Variants in SCO1 observed in about 807,000 individuals in gnomAD.
The protein encoded by SCO1 is cytochrome c oxidase assembly factor SCO1.
In SCO1, 23 loss-of-function variants were observed where a neutral mutation model predicts 34.0. The observed-to-expected ratio is 0.68, with a 90% confidence interval of 0.49 to 0.96. SCO1 has a LOEUF of 0.96. Ranked by LOEUF, SCO1 falls within the 40% of genes least tolerant of loss-of-function variation. SCO1 has a pLI of 0.00. For synonymous variants in SCO1, 161 were observed against 145.5 expected (o/e 1.11, Z -0.77); for missense variants, 404 against 381.6 (o/e 1.06, Z -0.49).
At position 10,686,809 on chromosome 17, in the gene SCO1, G is replaced by A. The variant is rs141066877; in HGVS notation, c.689C>T (p.Thr230Met). The A allele has an allele frequency of 1.2e-4, 192 of 1,613,758 alleles. No individual in the cohort carries two copies. Among genetic ancestry groups the A allele is most frequent in the Non-Finnish European group, 1.5e-4 (180 of 1,179,906 alleles). The change falls in exon 5 of 6, where the codon ACG becomes ATG. Residue 230 changes from threonine to methionine, a missense_variant. Transcript: ENST00000255390. The part of the protein sequence containing the change: ...FSPKLVGLTG[T>M]REEVDQVARA... ...GGCCACTTGATCGACCTCTTCTCTC[G>A]TGCCAGTCAAGCCAACCAGTTTGGG... is the stretch of plus-strand genomic sequence containing the variant.
chr17:10,685,645 C>T (rs2662952), intron 5 of SCO1, among the ~76,000 whole-genome samples: 6,101 of 152,292 alleles, frequency 0.04, 398 homozygotes, highest in African/African-American at 0.13. Context: ...ATAAACCTTT[C>T]ATCTTTTGCT....
chr17:10,683,431 A>G (rs1021918382), intron 5 of SCO1, among the ~76,000 whole-genome samples: 12 of 152,196 alleles, frequency 7.9e-5, no homozygotes, highest in African/African-American at 1.9e-4. Context: ...TAAAAAGTAT[A>G]TAACTTTAAA....
chr17:10,677,694 G>C lies in SCO1; in HGVS notation c.*3425C>G, dbSNP rs2074590786. On this transcript the variant is annotated 3_prime_UTR_variant, in exon 6 of 6. Coordinates refer to ENST00000255390, the MANE Select transcript of SCO1 (RefSeq NM_004589.4). ...ACACATGAATACATTCATGCCTACT[G>C]CATTGATAGGATTCTTATACTTTTC... 6.6e-6 allele frequency: 1 copy of C among 152,178 alleles called. No individual in the cohort carries two copies. The highest frequency in any genetic ancestry group is 1.5e-5 in the Non-Finnish European group (1 of 68,034). 9.4% of individuals were successfully genotyped at this position (152,178 alleles called of 1,614,324 possible).
chr17:10,684,393 G>T (rs745389998), intron 5 of SCO1, among the ~76,000 whole-genome samples: 1 of 152,164 alleles, frequency 6.6e-6, no homozygotes, highest in African/African-American at 2.4e-5. Context: ...CAGGCTACAC[G>T]ATTAAAGGTT....
rs1459182473 is a variant in SCO1 at position 10,676,494 on chromosome 17, G to C, written c.*4625C>G. ...GGGGGGGTGCAGACAAAATTAAATG[G>C]TGGTAATCACTGAAGCTTGCTGATG... On this transcript the variant is annotated 3_prime_UTR_variant, in exon 6 of 6. Coordinates refer to ENST00000255390, the MANE Select transcript of SCO1 (RefSeq NM_004589.4). The C allele has an allele frequency of 6.6e-6, 1 of 152,136 alleles. No homozygotes were observed. Among genetic ancestry groups the C allele is most frequent in the African/African-American group, 2.4e-5 (1 of 41,408 alleles). 9.4% of individuals were successfully genotyped at this position (152,136 alleles called of 1,614,324 possible).
rs896649235 is a variant in SCO1, at chr17:10,681,018, G to C, written c.*101C>G. The C allele has an allele frequency of 7.2e-7, 1 of 1,380,314 alleles. No individual in the cohort carries two copies. Among genetic ancestry groups the C allele is most frequent in the African/African-American group, 1.4e-5 (1 of 70,328 alleles). The allele number at this position is 1,380,314 out of a possible 1,614,324, so 85.5% of individuals were successfully genotyped here. ...GTTCTCATGGTATGAAGGCCATTCT[G>C]TAGAGTGCACGTATATATGTTTATA... On this transcript the variant is annotated 3_prime_UTR_variant, in exon 6 of 6. Transcript: ENST00000255390.
intron 4 of SCO1, among the ~76,000 whole-genome samples, chr17:10,687,319 T>C (rs2074662732): frequency 6.6e-6 from 1 of 151,798 alleles, no homozygotes; most frequent in Non-Finnish European, 1.5e-5. Flanking sequence ...TCTTTACTTC[T>C]GATTTAAAAA....
chr17:10,689,320 T>C (rs1048757993), intron 4 of SCO1, among the ~76,000 whole-genome samples: 8 of 152,190 alleles, frequency 5.3e-5, no homozygotes, highest in Non-Finnish European at 1.2e-4. Flanking sequence ...TATACCTTAA[T>C]AAATGTGTTA....
Position 10,688,854 on chromosome 17 carries a change from C to T in SCO1, c.656-2012G>A, listed in dbSNP as rs550604575. 2.3e-4 allele frequency among the ~76,000 whole-genome samples: 32 copies of T among 141,064 alleles called. 1 individual carries two copies. Among genetic ancestry groups the T allele is most frequent in the Middle Eastern group, 3.4e-3 (1 of 290 alleles). 92.5% of individuals were successfully genotyped at this position (141,064 alleles called of 152,430 possible). A position where few individuals can be genotyped will look rare whatever the true frequency, so the allele number is the denominator to read the frequency against. ...TCTGCAGGCCGGGCGCGGTGGCTCA[C>T]GCCTGTAATCCCAGCACTTTGGGAG... On this transcript the variant is annotated intron_variant, in intron 4 of 5. Transcript: ENST00000255390.
chr17:10,685,004 G>C (rs1212737421), intron 5 of SCO1, among the ~76,000 whole-genome samples: 3 of 152,216 alleles, frequency 2.0e-5, no homozygotes, highest in African/African-American at 7.2e-5. Context: ...ACCACATCTG[G>C]AAGACAGGAT....
chr17:10,692,342 T>A (rs773800313), intron 3 of SCO1, among the ~76,000 whole-genome samples: 7 of 152,186 alleles, frequency 4.6e-5, no homozygotes, highest in Admixed American at 3.9e-4. Flanking sequence ...GGTAAATTGT[T>A]AATAAGAGCT....
At chr17:10,693,477 G>C (rs909386191) in intron 2 of SCO1, among the ~76,000 whole-genome samples, 1 of 152,200 alleles carries the variant, frequency 6.6e-6, no homozygotes, top group African/African-American at 2.4e-5. Context: ...GAGAGAAAGA[G>C]AGCTAGGCTG....
chr17:10,672,542 G>GCGC lies in SCO1; in HGVS notation c.*8576_*8577insGCG, dbSNP rs2074553370. On this transcript the variant is annotated 3_prime_UTR_variant, in exon 6 of 6. Coordinates refer to ENST00000255390, the MANE Select transcript of SCO1 (RefSeq NM_004589.4). ...ACCCTTTTAAAGTGCGCAGTTCAGT[G>GCGC]AGTTTTCACAGATGTATGCAGTTGT... 1 of 152,090 alleles carries GCGC rather than the reference G, an allele frequency of 6.6e-6. No homozygotes were observed. Among genetic ancestry groups the GCGC allele is most frequent in the African/African-American group, 2.4e-5 (1 of 41,418 alleles). 9.4% of individuals were successfully genotyped at this position (152,090 alleles called of 1,614,324 possible).
In SCO1 at chr17:10,692,915, C is replaced by T. The variant is rs371690301; in HGVS notation, c.411G>A (p.Gly137=). The change falls in exon 3 of 6, where the codon GGG becomes GGA. Residue 137 remains glycine (G), a synonymous_variant. Coordinates refer to ENST00000255390, the MANE Select transcript of SCO1 (RefSeq NM_004589.4). ...RQRHIGKPLL[G]GPFSLTTHTG... ...TATGAGTTGTGAGGGAAAACGGTCC[C>T]CCAAGTAAAGGCTTGCCGATGTGTC... 183 of 1,613,948 alleles carry T rather than the reference C, an allele frequency of 1.1e-4. No homozygotes were observed. The highest frequency in any genetic ancestry group is 1.4e-4 in the Non-Finnish European group (165 of 1,180,040).
In SCO1 at chr17:10,674,488, T is replaced by C. The variant is rs992260774; in HGVS notation, c.*6631A>G. On this transcript the variant is annotated 3_prime_UTR_variant, in exon 6 of 6. Coordinates refer to ENST00000255390, the MANE Select transcript of SCO1 (RefSeq NM_004589.4). ...GATTGAGGAGAGCTGGAGTGGAGCC[T>C]GAGAAGCTGCATTTCTGCTAAGTAC... 1 of 248,596 alleles carries C rather than the reference T, an allele frequency of 4.0e-6. No individual in the cohort carries two copies. Among genetic ancestry groups the C allele is most frequent in the Non-Finnish European group, 7.9e-6 (1 of 126,526 alleles). The allele number at this position is 248,596 out of a possible 1,614,324, so 15.4% of individuals were successfully genotyped here.
At position 10,697,454 on chromosome 17, in the gene SCO1, T is replaced by G. The variant is rs1183426435; in HGVS notation, c.54A>C (p.Gln18His). Residue 18 changes from glutamine to histidine, a missense_variant, in exon 1 of 6, where the codon CAA (glutamine) becomes CAC (histidine). Gln to His is a conservative substitution (Grantham distance 24). Transcript: ENST00000255390. ...PGRVMRPLGG[Q>H]LWRFLPRGLE... ...GTCCGCGAGGCAAGAAGCGCCAAAG[T>G]TGGCCACCCAGAGGCCGCATAACTC... 2 of 1,613,208 alleles carry G rather than the reference T, an allele frequency of 1.2e-6. No individual in the cohort carries two copies. The highest frequency in any genetic ancestry group is 1.7e-6 in the Non-Finnish European group (2 of 1,179,848).
chr17:10,681,184 T>C lies in SCO1; in HGVS notation c.841A>G (p.Lys281Glu). ...GAAGCAGCTATTTCTCCCTTCCTCT[T>C]GTTCTGGCCAAAATAATCTAGAAAC... ...GEFLDYFGQN[K>E]RKGEIAASIA... The change falls in exon 6 of 6, where the codon AAG (lysine) becomes GAG (glutamate). Residue 281 changes from lysine to glutamate, a missense_variant. Lys to Glu is a moderately conservative substitution (Grantham distance 56). Coordinates refer to ENST00000255390, the MANE Select transcript of SCO1 (RefSeq NM_004589.4). 6.2e-7 allele frequency: 1 copy of C among 1,614,180 alleles called. No individual in the cohort carries two copies. Among genetic ancestry groups the C allele is most frequent in the Non-Finnish European group, 8.5e-7 (1 of 1,180,028 alleles).
At position 10,680,609 on chromosome 17, in the gene SCO1, A is replaced by G. The variant is rs572065951; in HGVS notation, c.*510T>C. On this transcript the variant is annotated 3_prime_UTR_variant, in exon 6 of 6. Coordinates refer to ENST00000255390, the MANE Select transcript of SCO1 (RefSeq NM_004589.4). ...AGGAAAACTAAAGTTTTCAAGCATC[A>G]ACTCTGAATGGCAGAGACCCTAATC... 2.5e-5 allele frequency: 4 copies of G among 161,642 alleles called. No individual in the cohort carries two copies. The South Asian group carries it at 5.0e-4, about 20-fold the overall frequency. The allele number at this position is 161,642 out of a possible 1,614,324, so 10.0% of individuals were successfully genotyped here. A position where few individuals can be genotyped will look rare whatever the true frequency, so the allele number is the denominator to read the frequency against.
intron 5 of SCO1, among the ~76,000 whole-genome samples, chr17:10,686,040 T>C (rs1168086271): frequency 2.0e-5 from 3 of 152,006 alleles, no homozygotes; most frequent in African/African-American, 7.2e-5. Flanking sequence ...CGAGACCCCC[T>C]GGCCTCGCCT....
Sources: allele counts gnomAD v4.1 joint callset (sites outside exome capture counted in the v4.1 genomes callset), GRCh38; gene constraint gnomAD v4.1.1; transcripts MANE v1.5; gene names NCBI Gene and HGNC (gene_info 2026-07-23, HGNC 2026-07-21).